PKD2L2: variants seen among roughly 807,000 people sequenced by gnomAD.
PKD2L2 encodes polycystin 2 like 2, transient receptor potential cation channel.
PKD2L2 carries 67 observed loss-of-function variants against 83.9 expected under a neutral mutation model. The ratio of observed to expected loss-of-function variants is 0.80; its 90% CI spans 0.66 to 0.98. The LOEUF (loss-of-function observed/expected upper bound fraction) is 0.98, where lower values mean the gene tolerates loss of function less well. Ranked by LOEUF, PKD2L2 falls within the 50% of genes least tolerant of loss-of-function variation. PKD2L2 has a pLI of 0.00. For synonymous variants in PKD2L2, 223 were observed against 237.8 expected (o/e 0.94, Z 0.57); for missense variants, 632 against 717.2 (o/e 0.88, Z 1.36).
intron 5 of PKD2L2, among the ~76,000 whole-genome samples, chr5:137,902,033 G>A (rs1757003804): frequency 1.3e-5 from 2 of 151,704 alleles, no homozygotes; most frequent in Admixed American, 6.6e-5. Flanking sequence ...AAGGGTTTCA[G>A]GAAACTGATC....
chr5:137,934,898 A>G (rs529474137), intron 12 of PKD2L2, among the ~76,000 whole-genome samples: 8 of 152,180 alleles, frequency 5.3e-5, no homozygotes, highest in Non-Finnish European at 1.0e-4. Context: ...CACAAAAGAA[A>G]AAAAAATGTT....
rs921071053 is a variant in PKD2L2, at chr5:137,910,610, T to TA, written c.1328+1674dup. Among the ~76,000 whole-genome samples the TA allele has an allele frequency of 2.4e-4, 36 of 147,316 alleles. 1 individual carries two copies. Among genetic ancestry groups the TA allele is most frequent in the South Asian group, 2.2e-3 (10 of 4,636 alleles). On this transcript the variant is annotated intron_variant, in intron 8 of 14. Coordinates refer to ENST00000508883, the MANE Select transcript of PKD2L2 (RefSeq NM_001300921.2). The stretch of plus-strand genomic sequence containing the variant: ...CAACATGGCGAAACTCCGTCTCTAC[T>TA]AAAAAAAAAATACAAAAAGATTAGC...
intron 8 of PKD2L2, among the ~76,000 whole-genome samples, chr5:137,911,375 A>G (rs1757822219): frequency 6.6e-6 from 1 of 152,166 alleles, no homozygotes; most frequent in South Asian, 2.1e-4. Context: ...TCATCTGCCA[A>G]TACACACTTG....
At chr5:137,890,430 C>T (rs1176672698) in intron 1 of PKD2L2, 51 bp from the exon 2 acceptor site, 9 of 968,900 alleles carry the variant, frequency 9.3e-6, no homozygotes, top group Non-Finnish European at 1.4e-5. Flanking sequence ...ATTGTTGTCA[C>T]TTATAAATTA....
intron 13 of PKD2L2, 107 bp from the exon 14 acceptor site, chr5:137,936,213 A>G (rs1760362596): frequency 1.1e-6 from 1 of 949,600 alleles, no homozygotes; most frequent in Non-Finnish European, 1.6e-6. Context: ...GGCATGTTTT[A>G]GGAGCTTACA....
In PKD2L2 at chr5:137,908,921, G is replaced by A; in HGVS notation, c.1303G>A (p.Asp435Asn). The change falls in exon 8 of 15, where the codon GAC becomes AAC. Residue 435 changes from aspartate to asparagine, a missense_variant. Asp to Asn is a conservative substitution (Grantham distance 23). Around this residue, in one of 3 missense-constraint regions of PKD2L2, gnomAD observed 399 missense variants for 416.9 expected, o/e 0.96. Coordinates refer to ENST00000508883, the MANE Select transcript of PKD2L2 (RefSeq NM_001300921.2). ...GFLVFGSQVD[D>N]FSTFQNSIFA... is the part of the protein sequence containing the mutation. The stretch of plus-strand genomic sequence containing the variant: ...TCTTGTTTTTGGATCACAAGTTGAT[G>A]ACTTTTCCACTTTTCAGAATTCCAT... The A allele has an allele frequency of 6.2e-7, 1 of 1,606,726 alleles. No homozygotes were observed. The highest frequency in any genetic ancestry group is 8.5e-7 in the Non-Finnish European group (1 of 1,175,346).
In PKD2L2 at chr5:137,926,679, C is replaced by T. The variant is rs550476467; in HGVS notation, c.1671+750C>T. Among the ~76,000 whole-genome samples, 3 of 152,312 alleles carry T rather than the reference C, an allele frequency of 2.0e-5. No individual in the cohort carries two copies. In the South Asian group the frequency reaches 6.2e-4, roughly 32 times the overall value. ...CTTGGCTTCCAAATAGCATTCTCCT[C>T]TAAAACCAACTGGGGCTCCTTCGAG... On this transcript the variant is annotated intron_variant, in intron 12 of 14. Coordinates refer to ENST00000508883, the MANE Select transcript of PKD2L2 (RefSeq NM_001300921.2).
In PKD2L2 at chr5:137,917,828, C is replaced by A. The variant is rs114926954; in HGVS notation, c.1329-3808C>A. On this transcript the variant is annotated intron_variant, in intron 8 of 14. Transcript: ENST00000508883. ...CATTGAATGGCTCATATTTCCATTT[C>A]TTTGTGTATCTGGTGATTTTTTGGT... Among the ~76,000 whole-genome samples the A allele has an allele frequency of 9.5e-3, 1,450 of 152,136 alleles. 20 individuals carry two copies. Among genetic ancestry groups the A allele is most frequent in the African/African-American group, 0.033 (1,390 of 41,506 alleles).
rs543913837 is a variant in PKD2L2 at position 137,928,509 on chromosome 5, C to A, written c.1671+2580C>A. Among the ~76,000 whole-genome samples, 5 of 152,330 alleles carry A rather than the reference C, an allele frequency of 3.3e-5. No homozygotes were observed. The South Asian group carries it at 8.3e-4, about 25-fold the overall frequency. ...GCAGTGGCATGATCACAGCTCACTGCAGCCTCGACCTCCATGGGCTCAGGT... is the reference window on the plus strand; with the variant it reads ...GCAGTGGCATGATCACAGCTCACTGAAGCCTCGACCTCCATGGGCTCAGGT... On this transcript the variant is annotated intron_variant, in intron 12 of 14. Transcript: ENST00000508883.
Position 137,910,342 on chromosome 5 carries a change from C to T in PKD2L2, c.1328+1396C>T, listed in dbSNP as rs188901114. 9.5e-3 allele frequency among the ~76,000 whole-genome samples: 1,442 copies of T among 151,148 alleles called. 20 individuals are homozygous for T. The highest frequency in any genetic ancestry group is 0.034 in the African/African-American group (1,383 of 41,230). On this transcript the variant is annotated intron_variant, in intron 8 of 14. Transcript: ENST00000508883. ...ACAGAGCCTAGGAAATTTGTCTTAC[C>T]GTGGGTAGTGAAGAGGAAAGGGAAG... is the stretch of plus-strand genomic sequence containing the variant.
chr5:137,919,170 A>T (rs1293361696), intron 8 of PKD2L2, among the ~76,000 whole-genome samples: 1 of 152,332 alleles, frequency 6.6e-6, no homozygotes, highest in East Asian at 1.9e-4. Context: ...ATTTTAATTC[A>T]ATAAGGGAGA....
At chr5:137,924,755 A>C (rs376208489) in intron 10 of PKD2L2, among the ~76,000 whole-genome samples, 3 of 152,328 alleles carry the variant, frequency 2.0e-5, no homozygotes, top group Admixed American at 1.3e-4. Context: ...TAAAAGTGTT[A>C]ACATCCTTAA....
At chr5:137,940,162 C>T (rs1045080646) in intron 14 of PKD2L2, 5 of 1,613,084 alleles carry the variant, frequency 3.1e-6, no homozygotes, top group Non-Finnish European at 4.2e-6. Context: ...CAGCCAAGTA[C>T]ACACGATGAT....
intron 2 of PKD2L2, among the ~76,000 whole-genome samples, chr5:137,891,022 CAGTTAAAAAAAT>C: frequency 6.6e-6 from 1 of 152,032 alleles, no homozygotes. Flanking sequence ...TGACCTATTG[CAGTTAAAAAAAT>C]AGTTTGTGCT....
At chr5:137,938,978 T>TA (rs1358652131) in intron 14 of PKD2L2, 3 of 152,150 alleles carry the variant, frequency 2.0e-5, no homozygotes, top group African/African-American at 7.2e-5. Flanking sequence ...GTTGTACTGT[T>TA]AGCACAAATG....
chr5:137,930,066 C>A (rs564220404), intron 12 of PKD2L2, among the ~76,000 whole-genome samples: 3 of 151,628 alleles, frequency 2.0e-5, no homozygotes, highest in African/African-American at 4.8e-5. Context: ...AATAGGAACA[C>A]ACAAAAAAAA....
chr5:137,916,599 C>T (rs1758376134), intron 8 of PKD2L2, among the ~76,000 whole-genome samples: 1 of 150,298 alleles, frequency 6.7e-6, no homozygotes, highest in Non-Finnish European at 1.5e-5. Flanking sequence ...CGTGCCTCAG[C>T]CTCCCAAGTA....
chr5:137,922,144 G>A (rs1280438292), intron 9 of PKD2L2, among the ~76,000 whole-genome samples: 2 of 152,236 alleles, frequency 1.3e-5, no homozygotes, highest in Non-Finnish European at 2.9e-5. Flanking sequence ...GAGTTATCAG[G>A]ATGGATCTCT....
intron 8 of PKD2L2, among the ~76,000 whole-genome samples, chr5:137,914,570 T>C (rs1758155796): frequency 6.6e-6 from 1 of 152,208 alleles, no homozygotes; most frequent in Non-Finnish European, 1.5e-5. Context: ...GGTCATATCA[T>C]CTGCAAAGAA....
Sources: gnomAD v4.1 joint callset for allele counts (sites outside exome capture counted in the v4.1 genomes callset) on GRCh38, gnomAD v4.1.1 for gene constraint, gnomAD v4.1.1 regional missense constraint, MANE v1.5 for transcripts, NCBI Gene and HGNC (gene_info 2026-07-23, HGNC 2026-07-21) for gene names.